PCDH15: variants seen among roughly 807,000 people sequenced by gnomAD.
PCDH15 encodes protocadherin-15.
PCDH15 carries 129 observed loss-of-function variants against 178.5 expected under a neutral mutation model. The ratio of observed to expected loss-of-function variants is 0.72; its 90% CI spans 0.63 to 0.84. PCDH15 has a LOEUF of 0.84. Ranked by LOEUF, PCDH15 falls within the 40% of genes least tolerant of loss-of-function variation. The probability of loss-of-function intolerance (pLI) is 0.00; values close to 1 mark genes in which losing one functional copy is unlikely to be tolerated. For synonymous variants in PCDH15, 800 were observed against 732.0 expected, an observed-to-expected ratio of 1.09 and a Z score of -1.50; for missense variants, 2,230 against 2,099.9, an observed-to-expected ratio of 1.06 and a Z score of -1.21.
chr10:55,168,874 C>T lies in PCDH15; in HGVS notation c.-155-2223G>A, dbSNP rs540712873. Among the ~76,000 whole-genome samples the T allele has an allele frequency of 1.3e-3, 196 of 152,152 alleles. 1 individual carries two copies. Among genetic ancestry groups the T allele is most frequent in the Middle Eastern group, 6.8e-3 (2 of 294 alleles). Reference sequence around the variant, plus strand: ...TTAAATGCTGACTTTTAAAACATTTCTGATACTCTAGATTTGGGGAGTTAT... The same window carrying T: ...TTAAATGCTGACTTTTAAAACATTTTTGATACTCTAGATTTGGGGAGTTAT... On this transcript the variant is annotated intron_variant, in intron 1 of 5. Coordinates refer to the PCDH15 transcript ENST00000458638.
chr10:54,560,304 C>T (rs1301531107), intron 2 of PCDH15, among the ~76,000 whole-genome samples: 8 of 151,990 alleles, frequency 5.3e-5, no homozygotes, highest in African/African-American at 9.7e-5. Flanking sequence ...GGTTATGTAT[C>T]GGCCTAGATA....
At chr10:55,229,319 T>C (rs1841146033) in intron 1 of PCDH15, among the ~76,000 whole-genome samples, 3 of 151,838 alleles carry the variant, frequency 2.0e-5, no homozygotes, top group Non-Finnish European at 4.4e-5. Context: ...GGAAATAATA[T>C]GGTATCCAAA....
intron 3 of PCDH15, among the ~76,000 whole-genome samples, chr10:54,397,680 A>C (rs1224763837): frequency 6.6e-6 from 1 of 152,154 alleles, no homozygotes; most frequent in East Asian, 1.9e-4. Flanking sequence ...CCAGGCACTA[A>C]ATGGCAAAGG....
intron 18 of PCDH15, among the ~76,000 whole-genome samples, chr10:54,031,445 A>G (rs939797383): frequency 2.0e-5 from 3 of 152,030 alleles, no homozygotes; most frequent in East Asian, 1.9e-4. Context: ...TCCATGTATT[A>G]TGTAATAGGA....
At chr10:55,354,018 C>T (rs1259750426) in intron 2 of PCDH15, among the ~76,000 whole-genome samples, 1 of 152,014 alleles carries the variant, frequency 6.6e-6, no homozygotes, top group African/African-American at 2.4e-5. Context: ...ACCCCTTCAC[C>T]CTCACTCCTG....
At chr10:54,609,301 T>A (rs977946702) in intron 2 of PCDH15, among the ~76,000 whole-genome samples, 2 of 152,066 alleles carry the variant, frequency 1.3e-5, no homozygotes, top group Non-Finnish European at 2.9e-5. Flanking sequence ...GAGGAACATG[T>A]AGGCTCATAA....
At chr10:55,136,746 A>T (rs1245838538) in intron 2 of PCDH15, among the ~76,000 whole-genome samples, 1 of 152,168 alleles carries the variant, frequency 6.6e-6, no homozygotes, top group Non-Finnish European at 1.5e-5. Context: ...CCAAACATTG[A>T]AAGAAATATA....
At chr10:55,021,448 T>A (rs1922154) in intron 2 of PCDH15, among the ~76,000 whole-genome samples, 86,491 of 152,006 alleles carry the variant, frequency 0.57, 24,951 homozygotes, top group East Asian at 0.75. Context: ...AGCAAGTCAC[T>A]ATGGTAAATT....
At chr10:54,819,226 T>C (rs1306119944) in intron 3 of PCDH15, among the ~76,000 whole-genome samples, 1 of 152,046 alleles carries the variant, frequency 6.6e-6, no homozygotes, top group Non-Finnish European at 1.5e-5. Flanking sequence ...TAAACATTCA[T>C]GGTAACTGAT....
chr10:54,506,983 A>T (rs1218962850), intron 3 of PCDH15, among the ~76,000 whole-genome samples: 2 of 152,012 alleles, frequency 1.3e-5, no homozygotes, highest in Admixed American at 1.3e-4. Context: ...TATGCAAAGC[A>T]ATGGTTATTT....
chr10:54,199,220 T>C (rs2049990128), intron 10 of PCDH15, among the ~76,000 whole-genome samples: 1 of 152,168 alleles, frequency 6.6e-6, no homozygotes, highest in African/African-American at 2.4e-5. Flanking sequence ...ATTTGAGGTG[T>C]TTCAATTTGC....
chr10:54,103,623 T>C (rs538698380), intron 15 of PCDH15, among the ~76,000 whole-genome samples: 27 of 152,226 alleles, frequency 1.8e-4, no homozygotes, highest in Admixed American at 4.6e-4. Flanking sequence ...CACTCCACCA[T>C]CCCAAACTCC....
chr10:55,025,387 TAATCTAGCC>T lies in PCDH15; in HGVS notation c.-79-127896_-79-127888del, dbSNP rs2131960076. ...CATGTGTGTTTTGCAATTAGAGAAA[TAATCTAGCC>T]TTACATGACACAACTGAATATTTGA... On this transcript the variant is annotated intron_variant, in intron 2 of 5. Coordinates refer to the PCDH15 transcript ENST00000458638. Among the ~76,000 whole-genome samples, 2 of 152,262 alleles carry T rather than the reference TAATCTAGCC, an allele frequency of 1.3e-5. 1 individual carries two copies. The highest frequency in any genetic ancestry group is 3.9e-4 in the East Asian group (2 of 5,184).
chr10:54,023,364 ATAT>A (rs1460454900), intron 18 of PCDH15, among the ~76,000 whole-genome samples, 167 bp from the exon 19 acceptor site: 1 of 151,956 alleles, frequency 6.6e-6, no homozygotes, highest in Non-Finnish European at 1.5e-5. Flanking sequence ...AACATGAAAA[ATAT>A]TATACTTTAA....
chr10:55,231,984 C>T (rs1216648179), intron 1 of PCDH15, among the ~76,000 whole-genome samples: 1 of 151,754 alleles, frequency 6.6e-6, no homozygotes, highest in South Asian at 2.1e-4. Flanking sequence ...CAAAGCTGTG[C>T]CAGGTTTACA....
chr10:55,464,811 C>T (rs535962766), intron 2 of PCDH15, among the ~76,000 whole-genome samples: 3 of 149,490 alleles, frequency 2.0e-5, no homozygotes, highest in African/African-American at 7.3e-5. Context: ...TACTTAAGCA[C>T]TTTATTTCAT....
At chr10:55,167,108 A>G (rs1839215320) in intron 1 of PCDH15, among the ~76,000 whole-genome samples, 1 of 152,024 alleles carries the variant, frequency 6.6e-6, no homozygotes, top group African/African-American at 2.4e-5. Context: ...TTGATTCCTT[A>G]GCATTTTTAT....
At chr10:54,836,634 G>GA in intron 3 of PCDH15, among the ~76,000 whole-genome samples, 1 of 151,786 alleles carries the variant, frequency 6.6e-6, no homozygotes, top group African/African-American at 2.4e-5. Context: ...AATTAGCTGA[G>GA]AAAAAAGATA....
intron 3 of PCDH15, among the ~76,000 whole-genome samples, chr10:54,439,560 A>G (rs1379419543): frequency 1.3e-5 from 2 of 152,006 alleles, no homozygotes; most frequent in African/African-American, 4.8e-5. Flanking sequence ...GAAGGTTTAA[A>G]GTAAGGAGGA....
Sources: gnomAD v4.1 joint callset for allele counts (sites outside exome capture counted in the v4.1 genomes callset) on GRCh38, gnomAD v4.1.1 for gene constraint, MANE v1.5 for transcripts, NCBI Gene and HGNC (gene_info 2026-07-23, HGNC 2026-07-21) for gene names.